HECW1: variants seen among roughly 807,000 people sequenced by gnomAD.
HECW1 encodes E3 ubiquitin-protein ligase HECW1.
Under a neutral mutation model 182.3 loss-of-function variants are expected in HECW1, and 61 were observed. The observed-to-expected ratio is 0.33, with a 90% CI of 0.27 to 0.41. The LOEUF (loss-of-function observed/expected upper bound fraction) is 0.41, where lower values mean the gene tolerates loss of function less well. Ranked by LOEUF, HECW1 falls within the 10% of genes least tolerant of loss-of-function variation. The pLI is 1.00. For synonymous variants in HECW1, 859 were observed against 832.6 expected (o/e 1.03, Z -0.55); for missense variants, 1,739 against 2,108.9 (o/e 0.82, Z 3.44).
At chr7:43,509,216 G>A in intron 24 of HECW1, 95 bp downstream of exon 24, 5 of 1,226,524 alleles carry the variant, frequency 4.1e-6, no homozygotes, top group Non-Finnish European at 4.6e-6. Context: ...TGTGTTTAGA[G>A]CAGTGGCCAG....
At chr7:43,349,375 G>T (rs1405301369) in intron 5 of HECW1, among the ~76,000 whole-genome samples, 2 of 152,156 alleles carry the variant, frequency 1.3e-5, no homozygotes, top group South Asian at 2.1e-4. Context: ...AAGTGCATTT[G>T]TTCCAAGGTA....
intron 26 of HECW1, among the ~76,000 whole-genome samples, chr7:43,550,148 C>T (rs187181932): frequency 3.3e-5 from 5 of 152,026 alleles, no homozygotes; most frequent in Admixed American, 1.3e-4. Flanking sequence ...ATTAACCAGG[C>T]GGAGTGGGGC....
In HECW1 at chr7:43,469,195, G is replaced by A. The variant is rs183243517; in HGVS notation, c.3099+90G>A. On this transcript the variant is annotated intron_variant, in intron 16 of 29. Coordinates refer to ENST00000395891, the MANE Select transcript of HECW1 (RefSeq NM_015052.5). The stretch of plus-strand genomic sequence containing the variant: ...GGGCGTGAGGAGGAGAGTGTGGGGA[G>A]GAGTTATGTCTGAGAGATGTGCTAT... 34 of 1,357,000 alleles carry A rather than the reference G, an allele frequency of 2.5e-5. No homozygotes were observed. The Admixed American group carries it at 5.6e-4, about 22-fold the overall frequency. The allele number at this position is 1,357,000 out of a possible 1,614,324, so 84.1% of individuals were successfully genotyped here.
At chr7:43,281,572 C>T (rs2152748082) in intron 3 of HECW1, among the ~76,000 whole-genome samples, 1 of 152,304 alleles carries the variant, frequency 6.6e-6, no homozygotes, top group African/African-American at 2.4e-5. Context: ...GCCTCCTCTC[C>T]AGCCTCAGCT....
intron 17 of HECW1, among the ~76,000 whole-genome samples, chr7:43,481,974 C>CAA (rs767419071): frequency 4.3e-4 from 35 of 81,774 alleles, no homozygotes; most frequent in African/African-American, 1.7e-3. Context: ...GACTCCATCT[C>CAA]AAAAAAAAAA....
Position 43,243,729 on chromosome 7 carries a change from T to G in HECW1, c.-31-146T>G. The G allele has an allele frequency of 1.5e-6, 1 of 689,248 alleles. No individual in the cohort carries two copies. The highest frequency in any genetic ancestry group is 2.7e-6 in the Non-Finnish European group (1 of 371,578). The allele number at this position is 689,248 out of a possible 1,614,324, so 42.7% of individuals were successfully genotyped here. On this transcript the variant is annotated intron_variant, in intron 2 of 29. Coordinates refer to ENST00000395891, the MANE Select transcript of HECW1 (RefSeq NM_015052.5). This position sits in a 1 kb window ranked among gnomAD's most constrained non-coding sequence, Gnocchi z 4.0. ...ACTTTATCAAAATGAGTGTGGTCCT[T>G]GTGTGATTTTTCCTTTTGCACGTCG...
chr7:43,387,345 A>C (rs2074841304), intron 6 of HECW1, among the ~76,000 whole-genome samples: 1 of 152,140 alleles, frequency 6.6e-6, no homozygotes, highest in African/African-American at 2.4e-5. Context: ...TTTATTCACC[A>C]AAACTACTAC....
chr7:43,170,157 G>A (rs1791535347), intron 2 of HECW1, among the ~76,000 whole-genome samples: 3 of 152,172 alleles, frequency 2.0e-5, no homozygotes, highest in African/African-American at 7.2e-5. Context: ...ATAGGAGCAC[G>A]AACCTTATTG....
intron 21 of HECW1, among the ~76,000 whole-genome samples, chr7:43,502,209 A>G (rs903117904): frequency 2.0e-5 from 3 of 152,236 alleles, no homozygotes; most frequent in Admixed American, 6.5e-5. Flanking sequence ...CCATTGTTAT[A>G]TCTCCACAAA....
At chr7:43,137,630 A>T (rs1787704050) in intron 2 of HECW1, among the ~76,000 whole-genome samples, 1 of 151,772 alleles carries the variant, frequency 6.6e-6, no homozygotes, top group African/African-American at 2.4e-5. Flanking sequence ...GCTCACTGCA[A>T]CCCACACCTC....
intron 3 of HECW1, among the ~76,000 whole-genome samples, chr7:43,249,696 T>C (rs758723448): frequency 4.3e-4 from 65 of 152,198 alleles, no homozygotes; most frequent in Non-Finnish European, 3.8e-4. Flanking sequence ...GCTGACTGTT[T>C]TGAGCTTTGT....
chr7:43,421,448 G>T (rs1212036298), intron 8 of HECW1, among the ~76,000 whole-genome samples: 1 of 152,012 alleles, frequency 6.6e-6, no homozygotes, highest in Admixed American at 6.6e-5. Context: ...TAATTGAATG[G>T]CAATAAAATT....
intron 24 of HECW1, among the ~76,000 whole-genome samples, chr7:43,535,616 G>C (rs1452517498): frequency 6.6e-6 from 1 of 152,194 alleles, no homozygotes; most frequent in Non-Finnish European, 1.5e-5. Flanking sequence ...ACCAAGCATA[G>C]AGCATTCCTA....
chr7:43,511,883 G>C (rs1288146058), intron 24 of HECW1: 1 of 184,084 alleles, frequency 5.4e-6, no homozygotes, highest in Non-Finnish European at 1.2e-5. Context: ...TGCACAAAAT[G>C]CTGGCAGTGT....
chr7:43,544,413 A>G (rs546317646), intron 26 of HECW1, among the ~76,000 whole-genome samples: 10 of 152,380 alleles, frequency 6.6e-5, no homozygotes, highest in Admixed American at 3.9e-4. Context: ...AATTAACGCT[A>G]TAGTGAGATA....
chr7:43,553,860 C>G (rs1330306455), intron 28 of HECW1, among the ~76,000 whole-genome samples: 1 of 152,194 alleles, frequency 6.6e-6, no homozygotes, highest in African/African-American at 2.4e-5. Context: ...TCCACTTGCA[C>G]AAGCCCTTTG....
chr7:43,288,037 G>A (rs940406906), intron 3 of HECW1, among the ~76,000 whole-genome samples: 1 of 152,138 alleles, frequency 6.6e-6, no homozygotes, highest in Non-Finnish European at 1.5e-5. Flanking sequence ...GATAGTTGAG[G>A]AAAGCAACCC....
chr7:43,505,763 T>C (rs1178436680), intron 21 of HECW1, among the ~76,000 whole-genome samples: 1 of 152,214 alleles, frequency 6.6e-6, no homozygotes, highest in East Asian at 1.9e-4. Context: ...ATTCTTTAGA[T>C]TGTCCCCAGA....
chr7:43,366,855 C>T (rs1270827317), intron 6 of HECW1, among the ~76,000 whole-genome samples: 1 of 152,174 alleles, frequency 6.6e-6, no homozygotes, highest in Non-Finnish European at 1.5e-5. Flanking sequence ...TTGGGATGGA[C>T]TGCATTGCCC....
Sources: allele counts gnomAD v4.1 joint callset (sites outside exome capture counted in the v4.1 genomes callset), GRCh38; gene constraint gnomAD v4.1.1; non-coding constraint Gnocchi (gnomAD v3.1); transcripts MANE v1.5; gene names NCBI Gene and HGNC (gene_info 2026-07-23, HGNC 2026-07-21).